Variants in THSD7A observed in about 807,000 individuals in gnomAD.
THSD7A encodes thrombospondin type-1 domain-containing protein 7A.
THSD7A carries 96 observed loss-of-function variants against 231.3 expected under a neutral mutation model. The ratio of observed to expected loss-of-function variants is 0.41; its 90% CI spans 0.35 to 0.49. The LOEUF (loss-of-function observed/expected upper bound fraction) is 0.49. Ranked by LOEUF, THSD7A falls within the 20% of genes least tolerant of loss-of-function variation. The probability of loss-of-function intolerance (pLI) is 0.05; values close to 1 mark genes in which losing one functional copy is unlikely to be tolerated. For synonymous variants in THSD7A, 940 were observed against 743.3 expected (o/e 1.26, Z -4.30); for missense variants, 2,290 against 2,070.2 (o/e 1.11, Z -2.06).
chr7:11,491,858 G>A (rs1228219745), intron 6 of THSD7A, among the ~76,000 whole-genome samples: 2 of 152,020 alleles, frequency 1.3e-5, no homozygotes, highest in Admixed American at 1.3e-4. Context: ...TTAGTCCCTC[G>A]TGGAGCCTTG....
At chr7:11,551,089 A>T (rs1005974660) in intron 4 of THSD7A, among the ~76,000 whole-genome samples, 2 of 152,002 alleles carry the variant, frequency 1.3e-5, no homozygotes, top group Non-Finnish European at 2.9e-5. Context: ...AAAAACCAAT[A>T]CGGAAAGGAC....
At chr7:11,621,883 T>C (rs1028255213) in intron 2 of THSD7A, among the ~76,000 whole-genome samples, 1 of 152,152 alleles carries the variant, frequency 6.6e-6, no homozygotes, top group Non-Finnish European at 1.5e-5. Context: ...ATCAGATTTG[T>C]TGAATGTCAC....
intron 1 of THSD7A, among the ~76,000 whole-genome samples, chr7:11,676,395 C>G (rs1783639231): frequency 6.6e-6 from 1 of 152,110 alleles, no homozygotes; most frequent in Non-Finnish European, 1.5e-5. Context: ...AGCAAGAGAA[C>G]AAAACTGGAT....
rs2128341070 is a variant in THSD7A, at chr7:11,590,925, T to C, written c.1272-284A>G. Among the ~76,000 whole-genome samples, 1 of 152,274 alleles carries C rather than the reference T, an allele frequency of 6.6e-6. No individual in the cohort carries two copies. The highest frequency in any genetic ancestry group is 3.4e-3 in the Middle Eastern group (1 of 294). On this transcript the variant is annotated intron_variant, in intron 3 of 27. Coordinates refer to ENST00000423059, the MANE Select transcript of THSD7A (RefSeq NM_015204.3). This position sits in a 1 kb window ranked among gnomAD's most constrained non-coding sequence, Gnocchi z 4.4. ...GGAGCACAATGCTGAAAACATGAAATTTTATGTTCAATTAAGCTGAACCCA... is the reference window on the plus strand; with the variant it reads ...GGAGCACAATGCTGAAAACATGAAACTTTATGTTCAATTAAGCTGAACCCA...
intron 4 of THSD7A, among the ~76,000 whole-genome samples, chr7:11,563,484 T>A (rs1360295053): frequency 6.6e-6 from 1 of 152,210 alleles, no homozygotes; most frequent in Non-Finnish European, 1.5e-5. Context: ...CTCATCCTCC[T>A]GAGTAGCTGG....
At chr7:11,740,524 C>T (rs1782077987) in intron 1 of THSD7A, among the ~76,000 whole-genome samples, 1 of 151,826 alleles carries the variant, frequency 6.6e-6, no homozygotes, top group African/African-American at 2.4e-5. Context: ...TTGCTGTTTC[C>T]CAAACATGCT....
intron 1 of THSD7A, among the ~76,000 whole-genome samples, chr7:11,755,707 C>G (rs994996543): frequency 3.3e-5 from 5 of 152,108 alleles, no homozygotes; most frequent in African/African-American, 1.2e-4. Flanking sequence ...CTGCTGTGCA[C>G]AGTCACTGGC....
intron 2 of THSD7A, among the ~76,000 whole-genome samples, chr7:11,622,786 T>G (rs1001722171): frequency 6.6e-6 from 1 of 152,190 alleles, no homozygotes; most frequent in Non-Finnish European, 1.5e-5. Flanking sequence ...TGTATTAATG[T>G]CATGAATAGA....
At chr7:11,568,698 TA>T (rs1351527061) in intron 4 of THSD7A, among the ~76,000 whole-genome samples, 1 of 148,328 alleles carries the variant, frequency 6.7e-6, no homozygotes, top group Non-Finnish European at 1.5e-5. Flanking sequence ...TCACCATTCT[TA>T]TTCCATAGAA....
intron 2 of THSD7A, among the ~76,000 whole-genome samples, chr7:11,623,403 C>G (rs764867249): frequency 1.3e-5 from 2 of 152,014 alleles, no homozygotes; most frequent in Non-Finnish European, 2.9e-5. Context: ...TTGCGTCTTA[C>G]CCTGTTCCCA....
chr7:11,459,070 G>A (rs146476723), intron 11 of THSD7A, among the ~76,000 whole-genome samples: 200 of 152,168 alleles, frequency 1.3e-3, no homozygotes, highest in African/African-American at 4.6e-3. Flanking sequence ...TCCTCCAGTG[G>A]TGTTTTATAA....
chr7:11,550,764 C>T (rs375586687), intron 4 of THSD7A, among the ~76,000 whole-genome samples: 2 of 152,204 alleles, frequency 1.3e-5, no homozygotes, highest in East Asian at 1.9e-4. Context: ...ATTGAAGTGG[C>T]CATTCTGCCC....
Position 11,794,829 on chromosome 7 carries a change from A to G in THSD7A, c.190+36928T>C, listed in dbSNP as rs180971307. 3.0e-4 allele frequency among the ~76,000 whole-genome samples: 45 copies of G among 152,142 alleles called. No homozygotes were observed. The East Asian group carries it at 7.9e-3, about 27-fold the overall frequency. On this transcript the variant is annotated intron_variant, in intron 1 of 27. Coordinates refer to ENST00000423059, the MANE Select transcript of THSD7A (RefSeq NM_015204.3). Reference sequence around the variant, plus strand: ...GAAATAGAAGCAAATTCTTTATGTCAGAGCACTGTGCATGAGAAGTTCACT... The same window carrying G: ...GAAATAGAAGCAAATTCTTTATGTCGGAGCACTGTGCATGAGAAGTTCACT...
intron 19 of THSD7A, chr7:11,410,490 G>C (rs143548175): frequency 6.6e-4 from 101 of 152,316 alleles, no homozygotes; most frequent in African/African-American, 2.3e-3. Flanking sequence ...TGACCCAGTG[G>C]ACCTCAGATG....
At chr7:11,433,940 T>G (rs934379646) in intron 13 of THSD7A, among the ~76,000 whole-genome samples, 3 of 151,952 alleles carry the variant, frequency 2.0e-5, no homozygotes, top group African/African-American at 7.2e-5. Context: ...AGATGCAAAT[T>G]AGAAACTGAG....
chr7:11,801,673 G>A (rs967791630), intron 1 of THSD7A, among the ~76,000 whole-genome samples: 1 of 152,042 alleles, frequency 6.6e-6, no homozygotes, highest in African/African-American at 2.4e-5. Context: ...GGAAAAAAAA[G>A]AATACATTTT....
At chr7:11,827,883 A>T (rs577488617) in intron 1 of THSD7A, among the ~76,000 whole-genome samples, 3 of 152,188 alleles carry the variant, frequency 2.0e-5, no homozygotes, top group South Asian at 4.2e-4. Flanking sequence ...TACCTCCTTT[A>T]CTGACTACAG....
At chr7:11,589,559 C>T (rs1299266386) in intron 4 of THSD7A, among the ~76,000 whole-genome samples, 2 of 152,178 alleles carry the variant, frequency 1.3e-5, no homozygotes, top group Admixed American at 1.3e-4. Context: ...TGTCTACATG[C>T]TCTCCTGATG....
chr7:11,613,200 T>C (rs978350083), intron 2 of THSD7A, among the ~76,000 whole-genome samples: 28 of 152,208 alleles, frequency 1.8e-4, no homozygotes, highest in African/African-American at 6.8e-4. Flanking sequence ...ACATTCAAAG[T>C]AAAAGACAAA....
Sources: gnomAD v4.1 joint callset for allele counts (sites outside exome capture counted in the v4.1 genomes callset) on GRCh38, gnomAD v4.1.1 for gene constraint, Gnocchi (gnomAD v3.1) non-coding constraint, MANE v1.5 for transcripts, NCBI Gene and HGNC (gene_info 2026-07-23, HGNC 2026-07-21) for gene names.